Variants in EHMT1 observed in about 807,000 individuals in gnomAD.
The protein encoded by EHMT1 is euchromatic histone lysine methyltransferase 1.
A neutral mutation model predicts 147.2 loss-of-function variants in EHMT1; 15 were observed. The observed-to-expected ratio is 0.10, with a 90% CI of 0.07 to 0.16. The LOEUF (loss-of-function observed/expected upper bound fraction) is 0.16. Among genes scored for constraint, EHMT1 ranks in the 10% least tolerant of loss-of-function variants. The pLI is 1.00. For missense variants in EHMT1, 1,587 were observed against 1,772.4 expected (o/e 0.90, Z 1.88); for synonymous variants, 795 against 709.6 (o/e 1.12, Z -1.91).
At chr9:137,669,964 C>T (rs1940363327) in intron 1 of EHMT1, among the ~76,000 whole-genome samples, 1 of 152,126 alleles carries the variant, frequency 6.6e-6, no homozygotes, top group Non-Finnish European at 1.5e-5. Flanking sequence ...AATTGTTCTG[C>T]CTCAGCCTCC....
intron 16 of EHMT1, 37 bp from the exon 17 acceptor site, chr9:137,798,776 G>T: frequency 1.9e-6 from 3 of 1,549,104 alleles, no homozygotes; most frequent in Non-Finnish European, 2.7e-6. Context: ...AGGATCACAG[G>T]TATGGATTCT....
At chr9:137,644,950 G>T (rs1288309790) in intron 1 of EHMT1, among the ~76,000 whole-genome samples, 1 of 152,018 alleles carries the variant, frequency 6.6e-6, no homozygotes, top group African/African-American at 2.4e-5. Flanking sequence ...TCAGCTCACT[G>T]CAGTCTCCAC....
At chr9:137,720,160 G>A (rs886300822) in intron 3 of EHMT1, among the ~76,000 whole-genome samples, 43 of 149,312 alleles carry the variant, frequency 2.9e-4, no homozygotes, top group Non-Finnish European at 6.1e-4. Context: ...GGACACAGTC[G>A]AGGTGCCGAA....
chr9:137,684,154 G>C (rs540907971), intron 1 of EHMT1, among the ~76,000 whole-genome samples: 60 of 151,948 alleles, frequency 3.9e-4, no homozygotes, highest in Non-Finnish European at 7.1e-4. Context: ...TCCCACTTCA[G>C]CCTCTTGAGT....
intron 22 of EHMT1, 100 bp downstream of exon 22, chr9:137,814,608 A>C: frequency 7.2e-7 from 1 of 1,381,914 alleles, no homozygotes; most frequent in South Asian, 1.2e-5. Context: ...CTGTCGTGGC[A>C]GCGTCGGGAA....
At chr9:137,624,885 CTTT>C (rs1242300490) in intron 1 of EHMT1, among the ~76,000 whole-genome samples, 3 of 143,234 alleles carry the variant, frequency 2.1e-5, no homozygotes, top group Admixed American at 7.0e-5. Context: ...TTTCATTCTT[CTTT>C]TTTTTTTTTT....
intron 24 of EHMT1, 57 bp from the exon 25 acceptor site, chr9:137,818,003 G>C (rs1005191655): frequency 1.3e-6 from 2 of 1,552,772 alleles, no homozygotes; most frequent in African/African-American, 1.4e-5. Flanking sequence ...GGCTGTGCTT[G>C]TCTGTGGGCA....
chr9:137,757,862 T>A lies in EHMT1; in HGVS notation c.1370-18T>A. ...GCCTGGGTGCGTGGTGTCTGATGTGTGTGCCTTTCATACCTAGGTTCTGAG... is the reference window on the plus strand; with the variant it reads ...GCCTGGGTGCGTGGTGTCTGATGTGAGTGCCTTTCATACCTAGGTTCTGAG... On this transcript the variant is annotated intron_variant, in intron 8 of 26. Coordinates refer to ENST00000460843, the MANE Select transcript of EHMT1 (RefSeq NM_024757.5). 1 of 1,613,680 alleles carries A rather than the reference T, an allele frequency of 6.2e-7. No homozygotes were observed. The highest frequency in any genetic ancestry group is 1.3e-5 in the African/African-American group (1 of 75,012).
At chr9:137,794,861 A>C (rs1952780722) in intron 16 of EHMT1, among the ~76,000 whole-genome samples, 1 of 152,182 alleles carries the variant, frequency 6.6e-6, no homozygotes, top group East Asian at 1.9e-4. Flanking sequence ...TCGGGTAAAA[A>C]AGCAAAAGGC....
chr9:137,750,554 A>G (rs1404748861), intron 6 of EHMT1, among the ~76,000 whole-genome samples: 1 of 152,228 alleles, frequency 6.6e-6, no homozygotes, highest in African/African-American at 2.4e-5. Flanking sequence ...AAGTTCCTAG[A>G]GAGAGTTATT....
At chr9:137,834,590 C>T (rs1487615538) in intron 26 of EHMT1, 66 bp downstream of exon 26, 3 of 1,603,198 alleles carry the variant, frequency 1.9e-6, no homozygotes, top group Non-Finnish European at 1.7e-6. Context: ...ACGGGGCTCG[C>T]ATTGCTTTCC....
At chr9:137,747,191 G>C (rs957345936) in intron 6 of EHMT1, 1 of 151,916 alleles carries the variant, frequency 6.6e-6, no homozygotes, top group African/African-American at 2.4e-5. Flanking sequence ...TGAGTCTGGC[G>C]CTGTCACCCA....
At chr9:137,766,909 TG>T in intron 10 of EHMT1, among the ~76,000 whole-genome samples, 1 of 152,206 alleles carries the variant, frequency 6.6e-6, no homozygotes, top group Non-Finnish European at 1.5e-5. Context: ...CCTCCACCTT[TG>T]GGGCTCAGGT....
chr9:137,741,913 A>T lies in EHMT1; in HGVS notation c.824-1458A>T, dbSNP rs1453245149. On this transcript the variant is annotated intron_variant, in intron 4 of 26. Transcript: ENST00000460843. The stretch of plus-strand genomic sequence containing the variant: ...ATCTGATTAAATCCAGGCCTCCTTC[A>T]TCCCCCCACAAAATATCTATTCAAA... 2.0e-5 allele frequency among the ~76,000 whole-genome samples: 3 copies of T among 152,210 alleles called. No homozygotes were observed. In the East Asian group the frequency reaches 5.8e-4, roughly 29 times the overall value.
intron 1 of EHMT1, among the ~76,000 whole-genome samples, chr9:137,657,792 A>G (rs1482915051): frequency 6.9e-6 from 1 of 144,666 alleles, no homozygotes; most frequent in Non-Finnish European, 1.5e-5. Context: ...AACCATTTCT[A>G]CCCCCACTCC....
chr9:137,645,651 A>C (rs1389305343), intron 1 of EHMT1, among the ~76,000 whole-genome samples: 1 of 152,178 alleles, frequency 6.6e-6, no homozygotes, highest in Admixed American at 6.5e-5. Context: ...GCAGACTGAT[A>C]CACAAGTGTC....
At chr9:137,817,164 T>TGTCC (rs1294375736) in intron 23 of EHMT1, 1 of 526,718 alleles carries the variant, frequency 1.9e-6, no homozygotes, top group Non-Finnish European at 3.4e-6. Context: ...GGCCCAGCTC[T>TGTCC]GTCCCCATGT....
chr9:137,641,919 G>A (rs1844517584), intron 1 of EHMT1, among the ~76,000 whole-genome samples: 1 of 151,654 alleles, frequency 6.6e-6, no homozygotes, highest in Non-Finnish European at 1.5e-5. Context: ...CTGCCCCCAT[G>A]CCCTCCAACT....
intron 8 of EHMT1, among the ~76,000 whole-genome samples, 186 bp downstream of exon 8, chr9:137,754,477 A>G (rs904466346): frequency 4.6e-5 from 7 of 152,082 alleles, no homozygotes; most frequent in Non-Finnish European, 8.8e-5. Context: ...CTTCTGGCCA[A>G]TGTAGTGGAC....
Sources: allele counts gnomAD v4.1 joint callset (sites outside exome capture counted in the v4.1 genomes callset), GRCh38; gene constraint gnomAD v4.1.1; transcripts MANE v1.5; gene names NCBI Gene and HGNC (gene_info 2026-07-23, HGNC 2026-07-21).